Variants in ZNF688 observed in about 807,000 individuals in gnomAD.
The protein encoded by ZNF688 is zinc finger protein 688.
In ZNF688, 10 loss-of-function variants were observed where a neutral mutation model predicts 13.2. The observed-to-expected ratio is 0.76, with a 90% confidence interval of 0.47 to 1.28. The LOEUF (loss-of-function observed/expected upper bound fraction) is 1.28, where lower values mean the gene tolerates loss of function less well. ZNF688 is among the 50% of genes most tolerant of loss of function. The pLI is 0.00. For missense variants in ZNF688, 381 were observed against 391.4 expected (o/e 0.97, Z 0.22); for synonymous variants, 160 against 159.4 (o/e 1.00, Z -0.03).
chr16:30,573,634 G>GTA (rs1410183774), upstream of ZNF688: 1 of 163,296 alleles, frequency 6.1e-6, no homozygotes, highest in African/African-American at 2.4e-5. Context: ...GCCAGCCCTA[G>GTA]TATATCGAGC....
chr16:30,573,780 CAT>C (rs890567377), upstream of ZNF688: 1 of 261,472 alleles, frequency 3.8e-6, no homozygotes, highest in South Asian at 3.8e-5. Flanking sequence ...ATCTCATATG[CAT>C]ATGTTATTAA....
At chr16:30,572,145 C>T (rs770654029), upstream of ZNF688, 3 of 1,601,118 alleles carry the variant, frequency 1.9e-6, no homozygotes, top group Non-Finnish European at 2.6e-6. Context: ...CAATACGCAA[C>T]GGCCGATGAT....
At chr16:30,571,922 C>T, upstream of ZNF688, 4 of 1,285,112 alleles carry the variant, frequency 3.1e-6, no homozygotes, top group Non-Finnish European at 3.9e-6. Flanking sequence ...CTTCAATTGT[C>T]ACAGGCTGCT....
chr16:30,577,993 T>A, the ZNF688 span, among the ~76,000 whole-genome samples: 2 of 152,084 alleles, frequency 1.3e-5, no homozygotes, highest in African/African-American at 4.8e-5. Context: ...CAAGTAAGAC[T>A]AAAACTGTTC....
At chr16:30,577,688 T>TC (rs2051760062), upstream of ZNF688, among the ~76,000 whole-genome samples, 1 of 149,964 alleles carries the variant, frequency 6.7e-6, no homozygotes, top group East Asian at 2.0e-4. Flanking sequence ...GCCTGTGGTT[T>TC]TTTTTTTTTT....
At chr16:30,570,895 G>A (rs1177965026) in intron 2 of ZNF688, 115 bp downstream of exon 2, 11 of 1,137,930 alleles carry the variant, frequency 9.7e-6, no homozygotes, top group Non-Finnish European at 1.3e-5. Flanking sequence ...TACTCCTCTA[G>A]TACCCAACAC....
At chr16:30,572,154 A>T, upstream of ZNF688, 1 of 1,604,052 alleles carries the variant, frequency 6.2e-7, no homozygotes, top group Non-Finnish European at 8.5e-7. Context: ...ACGGCCGATG[A>T]TTGGCGACGA....
Position 30,569,759 on chromosome 16 carries a change from A to G in ZNF688, c.*157T>C. The G allele has an allele frequency of 1.5e-6, 1 of 683,252 alleles. No homozygotes were observed. Among genetic ancestry groups the G allele is most frequent in the Non-Finnish European group, 2.1e-6 (1 of 473,276 alleles). 42.3% of individuals were successfully genotyped at this position (683,252 alleles called of 1,614,324 possible). A position where few individuals can be genotyped will look rare whatever the true frequency, so the allele number is the denominator to read the frequency against. On this transcript the variant is annotated 3_prime_UTR_variant, in exon 3 of 3. Coordinates refer to ENST00000223459, the MANE Select transcript of ZNF688 (RefSeq NM_145271.4). ...AAGTCTAATCTATTCGAATCTTTAC[A>G]GGCACTTTTCTTTTTACAAGTTGGA...
At position 30,570,389 on chromosome 16, in the gene ZNF688, C is replaced by T. The variant is rs553344886; in HGVS notation, c.358G>A (p.Ala120Thr). The change falls in exon 3 of 3, where the codon GCC becomes ACC. Residue 120 changes from alanine (A) to threonine (T), a missense_variant. Coordinates refer to ENST00000223459, the MANE Select transcript of ZNF688 (RefSeq NM_145271.4). Reference sequence around the variant, plus strand: ...ACAGGAGCCTTTCTAGGCCCTTTGGCTCTTGGGACTTCCTCCGGTTCCTCT... The same window carrying T: ...ACAGGAGCCTTTCTAGGCCCTTTGGTTCTTGGGACTTCCTCCGGTTCCTCT... The part of the protein sequence containing the change: ...KEEEPEEVPR[A>T]KGPRKAPVKE... The T allele has an allele frequency of 1.2e-6, 2 of 1,613,792 alleles. No homozygotes were observed. The highest frequency in any genetic ancestry group is 2.7e-5 in the African/African-American group (2 of 75,072).
chr16:30,572,662 C>A (rs146525548), upstream of ZNF688: 487 of 163,530 alleles, frequency 3.0e-3, 3 homozygotes, highest in African/African-American at 0.011. Context: ...GACTCGACCT[C>A]CCGGGCTGAA....
chr16:30,573,389 C>T (rs552327906), upstream of ZNF688, among the ~76,000 whole-genome samples: 1 of 152,258 alleles, frequency 6.6e-6, no homozygotes, highest in East Asian at 1.9e-4. Context: ...GTTGTATCTT[C>T]CGCTTCCTAG....
chr16:30,575,657 T>A (rs1196207046), upstream of ZNF688, among the ~76,000 whole-genome samples: 1 of 152,010 alleles, frequency 6.6e-6, no homozygotes, highest in African/African-American at 2.4e-5. Flanking sequence ...TTCTCTTTTT[T>A]TTTCTTTTTT....
chr16:30,578,831 CT>C, the ZNF688 span: 10 of 144,780 alleles, frequency 6.9e-5, no homozygotes, highest in Non-Finnish European at 6.0e-5. Flanking sequence ...GCGCCTGGCT[CT>C]TTTTTTTTTT....
chr16:30,579,839 C>G, the ZNF688 span: 1 of 456,016 alleles, frequency 2.2e-6, no homozygotes, highest in South Asian at 1.5e-5. Context: ...AAAAGTAGGG[C>G]TAGCAGATCT....
chr16:30,571,879 C>A, upstream of ZNF688: 8 of 1,279,172 alleles, frequency 6.3e-6, no homozygotes. Context: ...TTAAGGGACC[C>A]GGAAGGTGCC....
upstream of ZNF688, chr16:30,573,860 G>T: frequency 2.6e-6 from 1 of 384,908 alleles, no homozygotes; most frequent in East Asian, 9.4e-5. Flanking sequence ...TTGAGTTCTG[G>T]AACTGCCTCA....
Position 30,570,102 on chromosome 16 carries a change from C to A in ZNF688, c.645G>T (p.Glu215Asp). The change falls in exon 3 of 3, where the codon GAG (glutamate) becomes GAT (aspartate). Residue 215 changes from glutamate (E) to aspartate (D), a missense_variant. Coordinates refer to ENST00000223459, the MANE Select transcript of ZNF688 (RefSeq NM_145271.4). ...ACTTCCTCTTGAAGCGCATGCCACA[C>A]TCGGGGCAGGGGAAAGGCCGCTCCC... ...HSGERPFPCPECGMRFKRKFA... is the reference protein window; with the variant it reads ...HSGERPFPCPDCGMRFKRKFA... 1 of 1,611,468 alleles carries A rather than the reference C, an allele frequency of 6.2e-7. No homozygotes were observed. Among genetic ancestry groups the A allele is most frequent in the Non-Finnish European group, 8.5e-7 (1 of 1,179,110 alleles).
In ZNF688 at chr16:30,571,656, C is replaced by G; in HGVS notation, c.-27G>C. 1 of 1,370,170 alleles carries G rather than the reference C, an allele frequency of 7.3e-7. No individual in the cohort carries two copies. The highest frequency in any genetic ancestry group is 9.4e-7 in the Non-Finnish European group (1 of 1,064,624). The allele number at this position is 1,370,170 out of a possible 1,614,324, so 84.9% of individuals were successfully genotyped here. ...GGGCCTCGCAGCCCCGATCGGCGGC[C>G]GCCAGGTCCCTGGAGCCGCCGCCTC... On this transcript the variant is annotated 5_prime_UTR_variant, in exon 1 of 3. Transcript: ENST00000223459.
upstream of ZNF688, chr16:30,571,724 C>T (rs1022894863): frequency 5.2e-6 from 7 of 1,342,152 alleles, no homozygotes; most frequent in African/African-American, 1.5e-5. Context: ...GGAAGGGCGG[C>T]CCCGCCCAGC....
Sources: allele counts gnomAD v4.1 joint callset (sites outside exome capture counted in the v4.1 genomes callset), GRCh38; gene constraint gnomAD v4.1.1; transcripts MANE v1.5; gene names NCBI Gene and HGNC (gene_info 2026-07-23, HGNC 2026-07-21).